Variants in CEP350 observed in about 807,000 individuals in gnomAD.
CEP350 encodes centrosomal protein 350, also known as centrosome-associated protein 350.
Under a neutral mutation model 331.8 loss-of-function variants are expected in CEP350, and 126 were observed. That is an observed-to-expected ratio of 0.38 (90% confidence interval 0.33 to 0.44). The LOEUF is 0.44. Ranked by LOEUF, CEP350 falls within the 20% of genes least tolerant of loss-of-function variation. The probability of loss-of-function intolerance (pLI) is 1.00; values close to 1 mark genes in which losing one functional copy is unlikely to be tolerated. For synonymous variants in CEP350, 1,200 were observed against 1,259.5 expected (o/e 0.95, Z 1.00); for missense variants, 3,406 against 3,634.6 (o/e 0.94, Z 1.62).
chr1:180,064,825 T>A (rs1460359271), intron 26 of CEP350, among the ~76,000 whole-genome samples: 1 of 152,124 alleles, frequency 6.6e-6, no homozygotes, highest in Non-Finnish European at 1.5e-5. Flanking sequence ...AGATTACTAA[T>A]AGCAGAAGCT....
chr1:180,039,661 A>G (rs1656626838), intron 17 of CEP350, among the ~76,000 whole-genome samples: 1 of 152,124 alleles, frequency 6.6e-6, no homozygotes, highest in Admixed American at 6.5e-5. Flanking sequence ...CTTTATTACT[A>G]TGGCTTTTTA....
In CEP350 at chr1:180,092,643, G is replaced by C. The variant is rs1417766027; in HGVS notation, c.6538G>C (p.Val2180Leu). 3.7e-6 allele frequency: 6 copies of C among 1,602,936 alleles called. No individual in the cohort carries two copies. Among genetic ancestry groups the C allele is most frequent in the Admixed American group, 1.7e-5 (1 of 58,000 alleles). ...DASLSGSERSVSERSLSAYAK... is the reference protein window; with the variant it reads ...DASLSGSERSLSERSLSAYAK... ...TTCACTGTCTGGTTCTGAGAGATCA[G>C]TATCAGAAAGGTCTTTATCTGCATA... The change falls in exon 34 of 38, where the codon GTA becomes CTA. Residue 2180 changes from valine (V) to leucine (L), a missense_variant. Coordinates refer to ENST00000367607, the MANE Select transcript of CEP350 (RefSeq NM_014810.5).
At chr1:180,104,675 C>T (rs1052352016) in intron 37 of CEP350, among the ~76,000 whole-genome samples, 40 of 152,098 alleles carry the variant, frequency 2.6e-4, no homozygotes, top group African/African-American at 9.7e-4. Context: ...AAGTAGCAAC[C>T]TCGTAGAGTT....
intron 12 of CEP350, 63 bp from the exon 13 acceptor site, chr1:180,022,635 A>G: frequency 6.9e-7 from 1 of 1,457,510 alleles, no homozygotes; most frequent in Non-Finnish European, 9.4e-7. Context: ...CATGTATGGG[A>G]TGCTTTTCTT....
chr1:180,072,385 C>T (rs981829394), intron 27 of CEP350, among the ~76,000 whole-genome samples: 8 of 151,984 alleles, frequency 5.3e-5, no homozygotes, highest in African/African-American at 1.9e-4. Flanking sequence ...ACTTTTTGTA[C>T]TAGGTCATGC....
At chr1:180,004,927 C>CTTTCTT (rs1553253999) in intron 7 of CEP350, among the ~76,000 whole-genome samples, 4,153 of 74,800 alleles carry the variant, frequency 0.056, 106 homozygotes, top group Non-Finnish European at 0.08. Context: ...TTCTTTCTTT[C>CTTTCTT]TTTCTTTCTT....
At chr1:180,001,910 T>A (rs1446732549) in intron 6 of CEP350, among the ~76,000 whole-genome samples, 1 of 152,264 alleles carries the variant, frequency 6.6e-6, no homozygotes, top group East Asian at 1.9e-4. Context: ...TTTGAATGAA[T>A]GTATATTGCT....
intron 1 of CEP350, among the ~76,000 whole-genome samples, chr1:179,964,689 T>G (rs1483125131): frequency 6.6e-6 from 1 of 152,086 alleles, no homozygotes; most frequent in East Asian, 1.9e-4. Context: ...TAGTAGTCTC[T>G]GAGGCTCTTT....
chr1:180,049,237 T>C (rs1164034849), intron 22 of CEP350, among the ~76,000 whole-genome samples: 5 of 152,236 alleles, frequency 3.3e-5, no homozygotes, highest in African/African-American at 1.2e-4. Context: ...TGTTTCTAAT[T>C]AAAGCATATT....
At chr1:180,048,828 G>A in intron 22 of CEP350, 123 bp downstream of exon 22, 1 of 750,544 alleles carries the variant, frequency 1.3e-6, no homozygotes, top group South Asian at 1.7e-5. Context: ...CAGCACTTTG[G>A]GAGGCTGAGC....
intron 1 of CEP350, among the ~76,000 whole-genome samples, chr1:179,958,505 A>G (rs1218630736): frequency 6.6e-6 from 1 of 152,206 alleles, no homozygotes. Context: ...TGCAGTTGTT[A>G]ACAGGTTTCA....
At chr1:180,023,078 A>G (rs1473898505) in intron 13 of CEP350, among the ~76,000 whole-genome samples, 3 of 152,060 alleles carry the variant, frequency 2.0e-5, no homozygotes, top group South Asian at 2.1e-4. Flanking sequence ...TAGCCTTCCT[A>G]TGCTTCTGCT....
intron 8 of CEP350, among the ~76,000 whole-genome samples, chr1:180,007,542 C>T (rs1226319016): frequency 6.6e-6 from 1 of 152,124 alleles, no homozygotes; most frequent in Non-Finnish European, 1.5e-5. Flanking sequence ...ATTTTTCTCC[C>T]ATTCTGTAGG....
At chr1:180,041,368 G>A in intron 18 of CEP350, 120 bp downstream of exon 18, 1 of 752,776 alleles carries the variant, frequency 1.3e-6, no homozygotes, top group East Asian at 2.8e-5. Context: ...TAAAGTTTTA[G>A]TACTTTTTAT....
intron 25 of CEP350, among the ~76,000 whole-genome samples, chr1:180,059,260 ATTTTC>A (rs1047979138): frequency 3.9e-5 from 6 of 152,126 alleles, no homozygotes; most frequent in Non-Finnish European, 7.4e-5. Flanking sequence ...GGTCAAAACT[ATTTTC>A]TTAATGATAC....
chr1:180,027,096 T>C (rs1655727860), intron 14 of CEP350, among the ~76,000 whole-genome samples: 1 of 152,224 alleles, frequency 6.6e-6, no homozygotes, highest in South Asian at 2.1e-4. Context: ...CTATTTTGTC[T>C]ACATTTATGC....
intron 25 of CEP350, 141 bp downstream of exon 25, chr1:180,054,643 C>T (rs746785442): frequency 9.5e-5 from 60 of 628,880 alleles, no homozygotes; most frequent in Non-Finnish European, 1.4e-4. Context: ...GTTCATACTA[C>T]TATAATTATA....
chr1:180,068,993 G>A (rs1658720237), intron 27 of CEP350, among the ~76,000 whole-genome samples: 1 of 152,186 alleles, frequency 6.6e-6, no homozygotes, highest in Admixed American at 6.5e-5. Context: ...TGTGGCCCAG[G>A]ATAGGGTTGG....
intron 27 of CEP350, 87 bp downstream of exon 27, chr1:180,065,359 G>C: frequency 7.8e-7 from 1 of 1,280,340 alleles, no homozygotes; most frequent in Non-Finnish European, 1.0e-6. Flanking sequence ...CACTAGATTA[G>C]ATTGAGACAA....
Sources: allele counts gnomAD v4.1 joint callset (sites outside exome capture counted in the v4.1 genomes callset), GRCh38; gene constraint gnomAD v4.1.1; transcripts MANE v1.5; gene names NCBI Gene and HGNC (gene_info 2026-07-23, HGNC 2026-07-21).